The following SLC25A13 variants were observed in gnomAD, a reference collection of about 807,000 sequenced individuals.
The protein encoded by SLC25A13 is electrogenic aspartate/glutamate antiporter SLC25A13, mitochondrial.
Under a neutral mutation model 85.5 loss-of-function variants are expected in SLC25A13, and 70 were observed. That is an observed-to-expected ratio of 0.82 (90% CI 0.68 to 1.00). The LOEUF (loss-of-function observed/expected upper bound fraction) is 1.00, where lower values mean the gene tolerates loss of function less well. SLC25A13 is among the 50% of genes least tolerant of loss of function. The pLI, the probability that SLC25A13 is intolerant of heterozygous loss-of-function variation, is 0.00. For synonymous variants in SLC25A13, 259 were observed against 288.7 expected (o/e 0.90, Z 1.04); for missense variants, 765 against 819.8 (o/e 0.93, Z 0.82).
In SLC25A13 at chr7:96,179,583, T is replaced by G. The variant is rs533422687; in HGVS notation, c.1177+4694A>C. Among the ~76,000 whole-genome samples the G allele has an allele frequency of 7.2e-5, 11 of 152,334 alleles. No individual in the cohort carries two copies. In the East Asian group the frequency reaches 2.1e-3, roughly 29 times the overall value. Reference sequence around the variant, plus strand: ...AGATTGGCTAACCCAACAAATGATCTGTTGAAATCTTCTGCTCATTCTTAT... The same window carrying G: ...AGATTGGCTAACCCAACAAATGATCGGTTGAAATCTTCTGCTCATTCTTAT... On this transcript the variant is annotated intron_variant, in intron 11 of 17. Coordinates refer to ENST00000265631, the MANE Select transcript of SLC25A13 (RefSeq NM_014251.3).
At chr7:96,170,225 A>G (rs1793942539) in intron 12 of SLC25A13, 100 bp from the exon 13 acceptor site, 4 of 994,430 alleles carry the variant, frequency 4.0e-6, no homozygotes, top group African/African-American at 1.6e-5. Flanking sequence ...TTTTTCTATC[A>G]GTCTATTGGA....
chr7:96,205,628 T>C (rs1440655065), intron 5 of SLC25A13, among the ~76,000 whole-genome samples: 1 of 152,198 alleles, frequency 6.6e-6, no homozygotes, highest in African/African-American at 2.4e-5. Context: ...TGTTACTAGA[T>C]GCAAAGTTCA....
At chr7:96,170,626 CATTA>C (rs1284297256) in intron 12 of SLC25A13, among the ~76,000 whole-genome samples, 13 of 152,064 alleles carry the variant, frequency 8.5e-5, no homozygotes, top group African/African-American at 1.2e-4. Flanking sequence ...ACATAAATTA[CATTA>C]ATTAATTAAT....
intron 3 of SLC25A13, among the ~76,000 whole-genome samples, chr7:96,238,942 T>C (rs938718785): frequency 6.7e-6 from 1 of 149,842 alleles, no homozygotes; most frequent in Non-Finnish European, 1.5e-5. Context: ...AAGGCTTATA[T>C]AAAAAAAGCA....
rs1313959905 is a variant in SLC25A13, at chr7:96,191,240, C to G, written c.623G>C (p.Gly208Ala). Residue 208 changes from glycine (G) to alanine (A), a missense_variant, in exon 7 of 18, where the codon GGA (glycine) becomes GCA (alanine). Physicochemically the swap from Gly to Ala is moderately conservative, Grantham distance 60. Transcript: ENST00000265631. ...ACTAACTTGATGGGATGTGGTACCT[C>G]CAGCAGCCTCAAATAAATTGAAAAC... ...FVEECLVAAA[G>A]GTTSHQVSFS... 1 of 1,613,772 alleles carries G rather than the reference C, an allele frequency of 6.2e-7. No individual in the cohort carries two copies. Among genetic ancestry groups the G allele is most frequent in the Non-Finnish European group, 8.5e-7 (1 of 1,179,918 alleles).
At chr7:96,200,325 CCAAA>C (rs72199572) in intron 5 of SLC25A13, among the ~76,000 whole-genome samples, 9,655 of 152,076 alleles carry the variant, frequency 0.063, 401 homozygotes, top group Non-Finnish European at 0.087. Flanking sequence ...CACATTTAGC[CCAAA>C]CAATTTCTAT....
Position 96,233,498 on chromosome 7 carries a change from C to G in SLC25A13, c.328+1304G>C, listed in dbSNP as rs189362276. Among the ~76,000 whole-genome samples the G allele has an allele frequency of 2.0e-5, 3 of 152,230 alleles. No homozygotes were observed. In the East Asian group the frequency reaches 5.8e-4, roughly 29 times the overall value. ...TGGAAAGCATCTGATCTTCTAGAAA[C>G]CGGGCAAGTATATAATTTTTTGTCT... On this transcript the variant is annotated intron_variant, in intron 4 of 17. Transcript: ENST00000265631.
At chr7:96,253,604 A>G (rs972222840) in intron 3 of SLC25A13, among the ~76,000 whole-genome samples, 1 of 152,230 alleles carries the variant, frequency 6.6e-6, no homozygotes, top group African/African-American at 2.4e-5. Flanking sequence ...TCAGGACAGC[A>G]GTTAGCAGGA....
At chr7:96,188,863 G>A (rs1351231391) in intron 9 of SLC25A13, among the ~76,000 whole-genome samples, 2 of 152,150 alleles carry the variant, frequency 1.3e-5, no homozygotes, top group African/African-American at 2.4e-5. Context: ...TCAGAAAAAC[G>A]GAAGGCATGG....
intron 3 of SLC25A13, among the ~76,000 whole-genome samples, chr7:96,251,194 G>T (rs1404097463): frequency 6.6e-6 from 1 of 152,146 alleles, no homozygotes; most frequent in Non-Finnish European, 1.5e-5. Context: ...ACCAAGCACG[G>T]CAAGCACGGT....
intron 6 of SLC25A13, 142 bp from the exon 7 acceptor site, chr7:96,191,389 C>T: frequency 2.1e-6 from 2 of 933,500 alleles, no homozygotes; most frequent in Admixed American, 2.7e-5. Context: ...TTTTCTTTTG[C>T]ATTAAAAAAA....
At chr7:96,133,663 G>C (rs936147984) in intron 14 of SLC25A13, among the ~76,000 whole-genome samples, 4 of 152,162 alleles carry the variant, frequency 2.6e-5, no homozygotes, top group African/African-American at 9.7e-5. Context: ...TCAGCGTTTA[G>C]TTTCTGTTTT....
intron 14 of SLC25A13, 61 bp downstream of exon 14, chr7:96,146,495 G>T: frequency 6.3e-7 from 1 of 1,576,176 alleles, no homozygotes; most frequent in Non-Finnish European, 8.6e-7. Context: ...TTGAAGAATA[G>T]TTTCTGCATT....
intron 14 of SLC25A13, among the ~76,000 whole-genome samples, chr7:96,145,561 A>G (rs1202592917): frequency 6.6e-6 from 1 of 152,226 alleles, no homozygotes; most frequent in Non-Finnish European, 1.5e-5. Context: ...AACTGGGAAT[A>G]GGAAAAAAGC....
At chr7:96,228,786 G>T (rs557593328) in intron 4 of SLC25A13, among the ~76,000 whole-genome samples, 2 of 152,160 alleles carry the variant, frequency 1.3e-5, no homozygotes, top group African/African-American at 4.8e-5. Context: ...TGGGCTCCGC[G>T]GGCCCTGCAC....
chr7:96,298,257 G>C (rs771306838), intron 1 of SLC25A13, among the ~76,000 whole-genome samples: 1 of 152,120 alleles, frequency 6.6e-6, no homozygotes, highest in Non-Finnish European at 1.5e-5. Flanking sequence ...ATATGGAACT[G>C]CCTGAGCTCC....
At chr7:96,219,727 G>A in intron 4 of SLC25A13, 1 of 534,524 alleles carries the variant, frequency 1.9e-6, no homozygotes, top group Admixed American at 1.9e-5. Flanking sequence ...CTATTACAAT[G>A]AGAACCCATG....
rs757477170 is a variant in SLC25A13, at chr7:96,234,925, A to G, written c.213-8T>C. 6.2e-7 allele frequency: 1 copy of G among 1,605,626 alleles called. No homozygotes were observed. The highest frequency in any genetic ancestry group is 8.5e-7 in the Non-Finnish European group (1 of 1,172,654). On this transcript the variant is annotated splice_region_variant and splice_polypyrimidine_tract_variant and intron_variant, in intron 3 of 17. Transcript: ENST00000265631. ...TCTTGAAAAGATATTAATCTGCAACATAAAACAAACATAAAGCAAAAGTCA... is the reference window on the plus strand; with the variant it reads ...TCTTGAAAAGATATTAATCTGCAACGTAAAACAAACATAAAGCAAAAGTCA...
chr7:96,183,402 C>T (rs1794495500), intron 11 of SLC25A13, among the ~76,000 whole-genome samples: 1 of 152,146 alleles, frequency 6.6e-6, no homozygotes, highest in Non-Finnish European at 1.5e-5. Context: ...TCCACCTCAG[C>T]AGAGTACTAA....
Sources: gnomAD v4.1 joint callset for allele counts (sites outside exome capture counted in the v4.1 genomes callset) on GRCh38, gnomAD v4.1.1 for gene constraint, MANE v1.5 for transcripts, NCBI Gene and HGNC (gene_info 2026-07-23, HGNC 2026-07-21) for gene names.